The following SPOCK1 variants were observed in gnomAD, a reference collection of about 807,000 sequenced individuals.
The protein encoded by SPOCK1 is testican-1.
SPOCK1 carries 23 observed loss-of-function variants against 55.3 expected under a neutral mutation model. That is an observed-to-expected ratio of 0.42 (90% CI 0.30 to 0.59). The LOEUF (loss-of-function observed/expected upper bound fraction) is 0.59. Ranked by LOEUF, SPOCK1 falls within the 20% of genes least tolerant of loss-of-function variation. SPOCK1 has a pLI of 0.22. For missense variants in SPOCK1, 499 were observed against 552.5 expected, an observed-to-expected ratio of 0.90 and a Z score of 0.97; for synonymous variants, 226 against 221.0, an observed-to-expected ratio of 1.02 and a Z score of -0.20.
At chr5:137,125,653 C>G (rs929692760) in intron 4 of SPOCK1, among the ~76,000 whole-genome samples, 7 of 152,090 alleles carry the variant, frequency 4.6e-5, no homozygotes, top group Non-Finnish European at 8.8e-5. Flanking sequence ...AACTTCCTAG[C>G]CTTCAGAACT....
chr5:137,444,407 G>A (rs2149833005), intron 2 of SPOCK1, among the ~76,000 whole-genome samples: 1 of 152,208 alleles, frequency 6.6e-6, no homozygotes, highest in South Asian at 2.1e-4. Flanking sequence ...TGCAGTGTAG[G>A]TGTCCAAGGT....
Position 137,190,429 on chromosome 5 carries a change from G to T in SPOCK1, c.233-49735C>A, listed in dbSNP as rs947473433. Among the ~76,000 whole-genome samples, 3 of 152,132 alleles carry T rather than the reference G, an allele frequency of 2.0e-5. No individual in the cohort carries two copies. The East Asian group carries it at 5.8e-4, about 29-fold the overall frequency. On this transcript the variant is annotated intron_variant, in intron 3 of 10. Coordinates refer to ENST00000394945, the MANE Select transcript of SPOCK1 (RefSeq NM_004598.4). ...GCAAAAAGACAATGACTCTCTGAAGGTTCAGATGATGGTTAGCATTTTTTA... is the reference window on the plus strand; with the variant it reads ...GCAAAAAGACAATGACTCTCTGAAGTTTCAGATGATGGTTAGCATTTTTTA...
chr5:137,030,769 G>A (rs1209252817), intron 6 of SPOCK1, among the ~76,000 whole-genome samples: 1 of 152,112 alleles, frequency 6.6e-6, no homozygotes, highest in East Asian at 1.9e-4. Flanking sequence ...CAAAGATGTG[G>A]ACAAACGCCT....
Position 136,978,048 on chromosome 5 carries a change from T to A in SPOCK1, c.*606A>T, listed in dbSNP as rs1034244658. ...GAAGTATCCAGACACCAATTTTTAA[T>A]AAAATGAATTCCCCAAAGGGAGTCT... On this transcript the variant is annotated 3_prime_UTR_variant, in exon 11 of 11. Coordinates refer to ENST00000394945, the MANE Select transcript of SPOCK1 (RefSeq NM_004598.4). 7.5e-6 allele frequency: 3 copies of A among 397,884 alleles called. No homozygotes were observed. The highest frequency in any genetic ancestry group is 6.2e-5 in the African/African-American group (3 of 48,610). 24.6% of individuals were successfully genotyped at this position (397,884 alleles called of 1,614,324 possible).
At chr5:137,308,668 T>C (rs1324547518) in intron 2 of SPOCK1, among the ~76,000 whole-genome samples, 3 of 152,206 alleles carry the variant, frequency 2.0e-5, no homozygotes, top group Non-Finnish European at 4.4e-5. Context: ...CTCAGCTCTT[T>C]CATCTCCTGT....
chr5:137,465,036 C>T (rs188068435), intron 2 of SPOCK1, among the ~76,000 whole-genome samples: 39 of 152,200 alleles, frequency 2.6e-4, no homozygotes, highest in Middle Eastern at 3.4e-3. Context: ...GAGAGAACAA[C>T]GCTATAGAAG....
At chr5:137,444,185 C>A (rs935282970) in intron 2 of SPOCK1, among the ~76,000 whole-genome samples, 7 of 152,134 alleles carry the variant, frequency 4.6e-5, no homozygotes, top group African/African-American at 1.7e-4. Context: ...TCCCCTGTGT[C>A]ATGCTCTTCC....
chr5:137,280,425 A>G (rs904790701), intron 2 of SPOCK1, among the ~76,000 whole-genome samples: 3 of 152,228 alleles, frequency 2.0e-5, no homozygotes, highest in Admixed American at 2.0e-4. Flanking sequence ...AGCTCTGTGT[A>G]AATAAAGTAG....
intron 6 of SPOCK1, among the ~76,000 whole-genome samples, chr5:137,002,928 C>A (rs1751177867): frequency 1.3e-5 from 2 of 152,142 alleles, no homozygotes; most frequent in South Asian, 4.2e-4. Flanking sequence ...AACTGGCCAA[C>A]AGCAGTCAGT....
chr5:137,367,819 T>A (rs1233879317), intron 2 of SPOCK1, among the ~76,000 whole-genome samples: 1 of 152,230 alleles, frequency 6.6e-6, no homozygotes, highest in Non-Finnish European at 1.5e-5. Flanking sequence ...CTTGGGATGC[T>A]AACATAAAAT....
At chr5:137,464,061 G>A (rs1258214825) in intron 2 of SPOCK1, among the ~76,000 whole-genome samples, 1 of 152,232 alleles carries the variant, frequency 6.6e-6, no homozygotes. Context: ...CACTTTGGGA[G>A]GCCAAGGAGG....
At chr5:137,206,073 C>T (rs1361044765) in intron 3 of SPOCK1, among the ~76,000 whole-genome samples, 1 of 152,226 alleles carries the variant, frequency 6.6e-6, no homozygotes, top group Non-Finnish European at 1.5e-5. Context: ...AGCACAACGA[C>T]TCAAAAGCAA....
chr5:137,106,985 C>T (rs923007468), intron 5 of SPOCK1, among the ~76,000 whole-genome samples: 1 of 152,072 alleles, frequency 6.6e-6, no homozygotes, highest in Non-Finnish European at 1.5e-5. Context: ...AGCTCCTGTG[C>T]CCCCAGCTCT....
At chr5:136,993,623 T>G (rs1284999317) in intron 6 of SPOCK1, among the ~76,000 whole-genome samples, 1 of 152,218 alleles carries the variant, frequency 6.6e-6, no homozygotes, top group Non-Finnish European at 1.5e-5. Flanking sequence ...TTCTCCCATA[T>G]TCTAAAGCTA....
At chr5:137,315,754 G>C (rs1010634144) in intron 2 of SPOCK1, among the ~76,000 whole-genome samples, 1 of 152,212 alleles carries the variant, frequency 6.6e-6, no homozygotes, top group Admixed American at 6.5e-5. Context: ...GCAGGCTGTA[G>C]GTTCCCATGA....
chr5:137,174,856 T>C (rs1441330350), intron 3 of SPOCK1, among the ~76,000 whole-genome samples: 2 of 152,052 alleles, frequency 1.3e-5, no homozygotes, highest in Admixed American at 1.3e-4. Flanking sequence ...CCAGAACCCA[T>C]GGGAAAGAGC....
At chr5:137,135,830 T>C (rs1753973198) in intron 4 of SPOCK1, among the ~76,000 whole-genome samples, 1 of 152,228 alleles carries the variant, frequency 6.6e-6, no homozygotes, top group Admixed American at 6.5e-5. Context: ...CCTATTTCTT[T>C]TTATTGCTGA....
intron 5 of SPOCK1, among the ~76,000 whole-genome samples, chr5:137,097,224 T>A (rs574731585): frequency 1.3e-3 from 198 of 152,176 alleles, no homozygotes; most frequent in African/African-American, 4.3e-3. Context: ...GCCTTGTGAA[T>A]AGAGGGGCTG....
chr5:137,265,065 T>C (rs150304347), intron 3 of SPOCK1, among the ~76,000 whole-genome samples: 251 of 152,306 alleles, frequency 1.6e-3, no homozygotes, highest in African/African-American at 5.9e-3. Context: ...CTCTGCTGAA[T>C]ATAGCTGCCA....
Sources: allele counts gnomAD v4.1 joint callset (sites outside exome capture counted in the v4.1 genomes callset), GRCh38; gene constraint gnomAD v4.1.1; transcripts MANE v1.5; gene names NCBI Gene and HGNC (gene_info 2026-07-23, HGNC 2026-07-21).